Variants in PCDHGB7 observed in about 807,000 individuals in gnomAD.
PCDHGB7 encodes protocadherin gamma subfamily B, 7.
A neutral mutation model predicts 61.4 loss-of-function variants in PCDHGB7; 37 were observed. That is an observed-to-expected ratio of 0.60 (90% CI 0.46 to 0.79). The LOEUF is 0.79. PCDHGB7 is among the 30% of genes least tolerant of loss of function. The pLI is 0.00. For synonymous variants in PCDHGB7, 464 were observed against 503.5 expected (o/e 0.92, Z 1.05); for missense variants, 1,166 against 1,202.5 (o/e 0.97, Z 0.45).
Position 141,443,643 on chromosome 5 carries a change from A to C in PCDHGB7, c.2415+23369A>C, listed in dbSNP as rs188777289. The stretch of plus-strand genomic sequence containing the variant: ...GTGATTGTAAAAATTGATCCAGATA[A>C]TGTTAGCATAGCATTTTACTGAACT... On this transcript the variant is annotated intron_variant, in intron 1 of 3. Coordinates refer to ENST00000398594, the MANE Select transcript of PCDHGB7 (RefSeq NM_018927.4). Among the ~76,000 whole-genome samples, 238 of 152,370 alleles carry C rather than the reference A, an allele frequency of 1.6e-3. 2 individuals are homozygous for C. The highest frequency in any genetic ancestry group is 2.5e-3 in the Non-Finnish European group (169 of 68,028).
Position 141,476,017 on chromosome 5 carries a change from G to C in PCDHGB7, c.2416-18790G>C. The C allele has an allele frequency of 1.5e-6, 2 of 1,369,942 alleles. No individual in the cohort carries two copies. The highest frequency in any genetic ancestry group is 2.0e-6 in the Non-Finnish European group (2 of 1,015,658). The allele number at this position is 1,369,942 out of a possible 1,614,324, so 84.9% of individuals were successfully genotyped here. A position where few individuals can be genotyped will look rare whatever the true frequency, so the allele number is the denominator to read the frequency against. On this transcript the variant is annotated intron_variant, in intron 1 of 3. Coordinates refer to ENST00000398594, the MANE Select transcript of PCDHGB7 (RefSeq NM_018927.4). This position sits in a 1 kb window ranked among gnomAD's most constrained non-coding sequence, Gnocchi z 7.6. ...CAACGGCATCCAGAAAGCCATGTCG[G>C]ACTCGGCGCCCAGCGCCCAAGCGCT...
rs1031624761 is a variant in PCDHGB7 at position 141,433,138 on chromosome 5, G to A, written c.2415+12864G>A. The A allele has an allele frequency of 2.5e-6, 4 of 1,614,038 alleles. No individual in the cohort carries two copies. In the Admixed American group the frequency reaches 6.7e-5, roughly 27 times the overall value. On this transcript the variant is annotated intron_variant, in intron 1 of 3. Coordinates refer to ENST00000398594, the MANE Select transcript of PCDHGB7 (RefSeq NM_018927.4). ...TTGAAAAAAGCGAGCCCCTTTTGCT[G>A]TCAGGTGATTCGGTATTTTCTAAAG...
rs779317191 is a variant in PCDHGB7, at chr5:141,432,553, C to G, written c.2415+12279C>G. The G allele has an allele frequency of 2.6e-5, 42 of 1,613,748 alleles. No individual in the cohort carries two copies. The highest frequency in any genetic ancestry group is 2.0e-4 in the South Asian group (18 of 91,068). The stretch of plus-strand genomic sequence containing the variant: ...AGGTGGTGGCGGTGGACAGAGACTC[C>G]GGCCAGAACGCCTGGCTGTCCTACC... On this transcript the variant is annotated intron_variant, in intron 1 of 3. Coordinates refer to ENST00000398594, the MANE Select transcript of PCDHGB7 (RefSeq NM_018927.4). The surrounding 1 kb of genome is among the most constrained non-coding windows in gnomAD (Gnocchi z 6.0).
chr5:141,417,887 C>A lies in PCDHGB7; in HGVS notation c.28C>A (p.Arg10=). 1 of 1,564,888 alleles carries A rather than the reference C, an allele frequency of 6.4e-7. No individual in the cohort carries two copies. Among genetic ancestry groups the A allele is most frequent in the Non-Finnish European group, 8.7e-7 (1 of 1,154,224 alleles). MGGSCAQRR[R]AGPRQVLFPL... is the part of the protein sequence containing the mutation. ...GGGAGGGAGCTGCGCGCAGAGGCGC[C>A]GGGCCGGCCCGCGGCAGGTACTATT... Residue 10 remains arginine, a synonymous_variant, in exon 1 of 4, where the codon CGG becomes AGG. Coordinates refer to ENST00000398594, the MANE Select transcript of PCDHGB7 (RefSeq NM_018927.4).
intron 1 of PCDHGB7, among the ~76,000 whole-genome samples, chr5:141,438,655 T>C (rs1436221152): frequency 7.1e-6 from 1 of 140,042 alleles, no homozygotes; most frequent in Non-Finnish European, 1.5e-5. Flanking sequence ...CACACACATA[T>C]ATGTATATAT....
intron 1 of PCDHGB7, among the ~76,000 whole-genome samples, chr5:141,475,620 G>A (rs2154572702): frequency 6.6e-6 from 1 of 152,238 alleles, no homozygotes; most frequent in Admixed American, 6.5e-5. Flanking sequence ...TTTTCGGTTT[G>A]GTTCGATCCC....
chr5:141,495,726 C>T (rs2099763293), intron 2 of PCDHGB7, among the ~76,000 whole-genome samples: 1 of 152,070 alleles, frequency 6.6e-6, no homozygotes, highest in Non-Finnish European at 1.5e-5. Flanking sequence ...ACACGGGACC[C>T]TTAGTCTCTT....
rs367578838 is a variant in PCDHGB7, at chr5:141,432,537, C to A, written c.2415+12263C>A. The A allele has an allele frequency of 5.0e-6, 8 of 1,613,882 alleles. No individual in the cohort carries two copies. Among genetic ancestry groups the A allele is most frequent in the African/African-American group, 1.3e-5 (1 of 74,922 alleles). Reference sequence around the variant, plus strand: ...GGCTACCTGGTGACCAAGGTGGTGGCGGTGGACAGAGACTCCGGCCAGAAC... The same window carrying A: ...GGCTACCTGGTGACCAAGGTGGTGGAGGTGGACAGAGACTCCGGCCAGAAC... On this transcript the variant is annotated intron_variant, in intron 1 of 3. Coordinates refer to ENST00000398594, the MANE Select transcript of PCDHGB7 (RefSeq NM_018927.4). This position sits in a 1 kb window ranked among gnomAD's most constrained non-coding sequence, Gnocchi z 6.0.
rs1055747392 is a variant in PCDHGB7 at position 141,490,298 on chromosome 5, C to G, written c.2416-4509C>G. 6.2e-7 allele frequency: 1 copy of G among 1,614,178 alleles called. No individual in the cohort carries two copies. The highest frequency in any genetic ancestry group is 1.3e-5 in the African/African-American group (1 of 75,036). On this transcript the variant is annotated intron_variant, in intron 1 of 3. Transcript: ENST00000398594. The surrounding 1 kb of genome is among the most constrained non-coding windows in gnomAD (Gnocchi z 5.4). ...GACAATGCCCCAGAGGTGCTATTGG[C>G]CTCTTTGGCCAACCCTGTCCTAGAG...
At chr5:141,427,526 G>A (rs956426158) in intron 1 of PCDHGB7, 2 of 612,866 alleles carry the variant, frequency 3.3e-6, no homozygotes, top group Middle Eastern at 2.6e-4. Context: ...AGCGGATCCC[G>A]GAGTACAACG....
intron 2 of PCDHGB7, among the ~76,000 whole-genome samples, chr5:141,504,179 A>C (rs1247627456): frequency 6.6e-6 from 1 of 152,240 alleles, no homozygotes; most frequent in Non-Finnish European, 1.5e-5. Context: ...AATTCAAAAA[A>C]ATCATGAAAA....
At chr5:141,449,958 A>AT (rs962794399) in intron 1 of PCDHGB7, among the ~76,000 whole-genome samples, 8 of 148,830 alleles carry the variant, frequency 5.4e-5, no homozygotes, top group African/African-American at 2.0e-4. Context: ...CCTCATAGTA[A>AT]TTTTTTTTAG....
At chr5:141,478,629 T>A in intron 1 of PCDHGB7, 1 of 1,553,688 alleles carries the variant, frequency 6.4e-7, no homozygotes, top group Non-Finnish European at 8.7e-7. Context: ...AGCTGTTTTT[T>A]TAGTGATGAA....
chr5:141,478,381 C>T (rs931860600), intron 1 of PCDHGB7: 22 of 1,613,664 alleles, frequency 1.4e-5, no homozygotes, highest in Non-Finnish European at 1.8e-5. Flanking sequence ...TGTCGCCGCA[C>T]CTTTACCATC....
chr5:141,419,302 C>T lies in PCDHGB7; in HGVS notation c.1443C>T (p.Phe481=). Residue 481 remains phenylalanine (F), a synonymous_variant, in exon 1 of 4, where the codon TTC becomes TTT. Transcript: ENST00000398594. ...AAGTCAGTGCCTCTGACCCAGACTT[C>T]GGGCTCAACGGCCGTGTCTCCTACT... ...IAQVSASDPD[F]GLNGRVSYSL... The T allele has an allele frequency of 6.2e-7, 1 of 1,614,024 alleles. No homozygotes were observed. Among genetic ancestry groups the T allele is most frequent in the East Asian group, 2.2e-5 (1 of 44,892 alleles).
chr5:141,421,342 G>A (rs199737254), intron 1 of PCDHGB7: 25 of 1,613,872 alleles, frequency 1.5e-5, no homozygotes, highest in Non-Finnish European at 1.9e-5. Context: ...GGTGCCAGAA[G>A]AGACCGAAAA....
chr5:141,429,239 T>C (rs1344971786), intron 1 of PCDHGB7: 1 of 151,802 alleles, frequency 6.6e-6, no homozygotes, highest in East Asian at 1.9e-4. Context: ...ACTGCTGTCA[T>C]TGAGATATTT....
chr5:141,462,668 T>C (rs778396861), intron 1 of PCDHGB7, among the ~76,000 whole-genome samples: 10 of 152,232 alleles, frequency 6.6e-5, no homozygotes, highest in Non-Finnish European at 1.5e-4. Flanking sequence ...CTTCATATTT[T>C]TCTTTAAATT....
rs145569377 is a variant in PCDHGB7 at position 141,455,860 on chromosome 5, ATTATTTATTTATTTATTTATTTATTTAT to A, written c.2415+35613_2415+35640del. Among the ~76,000 whole-genome samples the A allele has an allele frequency of 5.0e-5, 7 of 139,848 alleles. No individual in the cohort carries two copies. The South Asian group carries it at 9.2e-4, about 18-fold the overall frequency. 91.7% of individuals were successfully genotyped at this position (139,848 alleles called of 152,430 possible). On this transcript the variant is annotated intron_variant, in intron 1 of 3. Transcript: ENST00000398594. ...CTATCTGCATAAAATAATTTCTTTT[ATTATTTATTTATTTATTTATTTATTTAT>A]TTATTTATTTATTTATTTATTTATT...
Sources: gnomAD v4.1 joint callset for allele counts (sites outside exome capture counted in the v4.1 genomes callset) on GRCh38, gnomAD v4.1.1 for gene constraint, Gnocchi (gnomAD v3.1) non-coding constraint, MANE v1.5 for transcripts, NCBI Gene and HGNC (gene_info 2026-07-23, HGNC 2026-07-21) for gene names.